ZNF682: variants seen among roughly 807,000 people sequenced by gnomAD.
ZNF682 encodes the protein zinc finger protein 682.
In ZNF682, 29 loss-of-function variants were observed where a neutral mutation model predicts 36.5. That is an observed-to-expected ratio of 0.80 (90% confidence interval 0.59 to 1.08). The LOEUF is 1.08. Ranked by LOEUF, ZNF682 falls within the 50% of genes least tolerant of loss-of-function variation. The pLI is 0.00. For missense variants in ZNF682, 561 were observed against 579.7 expected (o/e 0.97, Z 0.33); for synonymous variants, 180 against 197.0 (o/e 0.91, Z 0.72).
intron 1 of ZNF682, among the ~76,000 whole-genome samples, chr19:20,027,585 C>T (rs2088442265): frequency 6.6e-6 from 1 of 152,094 alleles, no homozygotes; most frequent in South Asian, 2.1e-4. Flanking sequence ...CATGGAGAAA[C>T]CTTGTCTCTA....
At chr19:20,039,295 TC>T in intron 1 of ZNF682, 47 bp downstream of exon 1, 1 of 1,607,884 alleles carries the variant, frequency 6.2e-7, no homozygotes. Flanking sequence ...CCGGCCGGTT[TC>T]AACCAGCCCT....
chr19:20,012,096 G>A (rs2088294191), intron 3 of ZNF682, among the ~76,000 whole-genome samples: 1 of 152,016 alleles, frequency 6.6e-6, no homozygotes, highest in Non-Finnish European at 1.5e-5. Context: ...CAAAAGCAGT[G>A]TTAGGAGGGT....
chr19:19,996,941 A>G (rs546279785), downstream of ZNF682: 100 of 318,056 alleles, frequency 3.1e-4, no homozygotes, highest in South Asian at 2.5e-3. Flanking sequence ...CCTTCTCCAC[A>G]TGGGCTATTT....
chr19:20,024,439 AAAAG>A, intron 1 of ZNF682, 63 bp from the exon 2 acceptor site: 2 of 1,535,818 alleles, frequency 1.3e-6, no homozygotes, highest in Non-Finnish European at 1.8e-6. Flanking sequence ...ACTCCATGTG[AAAAG>A]AGAGAATTGC....
chr19:20,018,075 A>ATTTTTT (rs2088350671), intron 3 of ZNF682, among the ~76,000 whole-genome samples: 1 of 83,160 alleles, frequency 1.2e-5, no homozygotes, highest in African/African-American at 4.5e-5. Flanking sequence ...AGATTCTCAA[A>ATTTTTT]TTCTTTTTTT....
At chr19:20,008,837 C>G (rs1477374077) in intron 3 of ZNF682, among the ~76,000 whole-genome samples, 1 of 152,096 alleles carries the variant, frequency 6.6e-6, no homozygotes, top group African/African-American at 2.4e-5. Flanking sequence ...TGGACTGAAG[C>G]CTGAATTACA....
chr19:20,018,628 GA>G (rs1469328732), intron 3 of ZNF682, among the ~76,000 whole-genome samples: 1 of 152,052 alleles, frequency 6.6e-6, no homozygotes, highest in African/African-American at 2.4e-5. Flanking sequence ...CAATGGGGAA[GA>G]AAACAGTTTT....
Position 20,005,921 on chromosome 19 carries a change from T to A in ZNF682, c.*84A>T. On this transcript the variant is annotated 3_prime_UTR_variant, in exon 4 of 4. Transcript: ENST00000397165. ...TAGTGTTTCTCTCCAGTATGAATTA[T>A]CTTGTGATTTCAATGCCTTGAGCAA... 1 of 1,288,328 alleles carries A rather than the reference T, an allele frequency of 7.8e-7. No homozygotes were observed. The highest frequency in any genetic ancestry group is 1.1e-6 in the Non-Finnish European group (1 of 930,112). 79.8% of individuals were successfully genotyped at this position (1,288,328 alleles called of 1,614,324 possible).
At chr19:20,016,799 A>T (rs1028480055) in intron 3 of ZNF682, among the ~76,000 whole-genome samples, 1 of 152,074 alleles carries the variant, frequency 6.6e-6, no homozygotes, top group Non-Finnish European at 1.5e-5. Context: ...TGGTAAAGTA[A>T]ATATATACAC....
intron 3 of ZNF682, among the ~76,000 whole-genome samples, chr19:20,013,050 T>G (rs1013717413): frequency 6.6e-6 from 1 of 152,030 alleles, no homozygotes; most frequent in Non-Finnish European, 1.5e-5. Context: ...AAGATTCAAC[T>G]ACATTCTTTT....
At chr19:19,998,714 G>A (rs1375124253) in intron 3 of ZNF682, among the ~76,000 whole-genome samples, 8 of 151,952 alleles carry the variant, frequency 5.3e-5, no homozygotes, top group Non-Finnish European at 1.0e-4. Context: ...GAGAGCCCAC[G>A]TTTCTTCCAT....
At chr19:20,021,689 T>G (rs961062535) in intron 3 of ZNF682, among the ~76,000 whole-genome samples, 1 of 152,218 alleles carries the variant, frequency 6.6e-6, no homozygotes, top group Non-Finnish European at 1.5e-5. Flanking sequence ...TTTGTGTGTA[T>G]ATGTATACAC....
chr19:20,007,031 T>G lies in ZNF682; in HGVS notation c.471A>C (p.Ser157=), dbSNP rs369988011. ...YNKCVKVFSK[S]SNLNRENIRH... The stretch of plus-strand genomic sequence containing the variant: ...TTATGTTTTCTCTATTTAGATTTGA[T>G]GATTTACTAAAGACTTTCACACATT... Residue 157 remains serine (S), a synonymous_variant, in exon 4 of 4, where the codon TCA becomes TCC. Transcript: ENST00000397165. 6.2e-7 allele frequency: 1 copy of G among 1,613,508 alleles called. No individual in the cohort carries two copies. The highest frequency in any genetic ancestry group is 1.1e-5 in the South Asian group (1 of 91,008).
chr19:20,021,201 A>G (rs2088380647), intron 3 of ZNF682, among the ~76,000 whole-genome samples: 1 of 152,262 alleles, frequency 6.6e-6, no homozygotes, highest in African/African-American at 2.4e-5. Flanking sequence ...GCATGCAGCC[A>G]GCAGGACATG....
At chr19:20,016,317 A>G (rs1164254253) in intron 3 of ZNF682, among the ~76,000 whole-genome samples, 1 of 152,212 alleles carries the variant, frequency 6.6e-6, no homozygotes, top group Admixed American at 6.5e-5. Flanking sequence ...ATTCCTTTAA[A>G]GGAATAAAAT....
intron 1 of ZNF682, among the ~76,000 whole-genome samples, chr19:20,024,728 C>T (rs960095570): frequency 6.6e-6 from 1 of 152,124 alleles, no homozygotes; most frequent in African/African-American, 2.4e-5. Flanking sequence ...ATCCCAGTTA[C>T]TTGGGAGGCT....
chr19:20,011,936 G>A (rs937312153), intron 3 of ZNF682, among the ~76,000 whole-genome samples: 2 of 151,960 alleles, frequency 1.3e-5, no homozygotes, highest in South Asian at 2.1e-4. Context: ...ACCTGGGAGA[G>A]TGAGGCAGGA....
At chr19:19,996,305 C>A (rs540954810), downstream of ZNF682, among the ~76,000 whole-genome samples, 2 of 152,160 alleles carry the variant, frequency 1.3e-5, no homozygotes, top group Non-Finnish European at 2.9e-5. Flanking sequence ...GGTTATCTAC[C>A]ATTTGTTCCA....
intron 3 of ZNF682, among the ~76,000 whole-genome samples, chr19:20,020,342 CA>C (rs2088373057): frequency 6.6e-6 from 1 of 151,908 alleles, no homozygotes. Flanking sequence ...CTAAAAAATA[CA>C]AAAATTAGCT....
Sources: allele counts gnomAD v4.1 joint callset (sites outside exome capture counted in the v4.1 genomes callset), GRCh38; gene constraint gnomAD v4.1.1; transcripts MANE v1.5; gene names NCBI Gene and HGNC (gene_info 2026-07-23, HGNC 2026-07-21).